Variants in DAPK1 observed in about 807,000 individuals in gnomAD.
DAPK1 encodes death-associated protein kinase 1.
In DAPK1, 56 loss-of-function variants were observed where a neutral mutation model predicts 144.9. The observed-to-expected ratio is 0.39, with a 90% CI of 0.31 to 0.48. The LOEUF (loss-of-function observed/expected upper bound fraction) is 0.48. Ranked by LOEUF, DAPK1 falls within the 20% of genes least tolerant of loss-of-function variation. DAPK1 has a pLI of 0.95. For missense variants in DAPK1, 1,454 were observed against 1,875.4 expected, an observed-to-expected ratio of 0.78 and a Z score of 4.15; for synonymous variants, 690 against 749.0, an observed-to-expected ratio of 0.92 and a Z score of 1.29.
chr9:87,602,962 T>A (rs1394035693), intron 2 of DAPK1, among the ~76,000 whole-genome samples: 1 of 148,280 alleles, frequency 6.7e-6, no homozygotes, highest in Non-Finnish European at 1.5e-5. Context: ...TTTTTAGTTT[T>A]GAATTTTAAA....
At chr9:87,610,175 A>C (rs371882581) in intron 3 of DAPK1, among the ~76,000 whole-genome samples, 281 of 152,298 alleles carry the variant, frequency 1.8e-3, no homozygotes, top group African/African-American at 6.5e-3. Flanking sequence ...TACTTGCTTC[A>C]CTGGAGAATC....
intron 3 of DAPK1, among the ~76,000 whole-genome samples, chr9:87,620,718 G>A (rs1280121522): frequency 6.6e-6 from 1 of 151,938 alleles, no homozygotes; most frequent in African/African-American, 2.4e-5. Flanking sequence ...GCTGGTGGTG[G>A]TCTGTATTTC....
intron 19 of DAPK1, among the ~76,000 whole-genome samples, chr9:87,678,184 A>G (rs1824470671): frequency 6.6e-6 from 1 of 152,214 alleles, no homozygotes; most frequent in South Asian, 2.1e-4. Context: ...CAGCTGCCCC[A>G]GCATTTTACA....
chr9:87,574,721 C>T (rs947597476), intron 2 of DAPK1, among the ~76,000 whole-genome samples: 1 of 152,112 alleles, frequency 6.6e-6, no homozygotes, highest in Non-Finnish European at 1.5e-5. Context: ...GAGTTTGAGA[C>T]CAGCCTGGCC....
intron 2 of DAPK1, among the ~76,000 whole-genome samples, chr9:87,541,124 A>G (rs1826033961): frequency 6.6e-6 from 1 of 152,256 alleles, no homozygotes; most frequent in African/African-American, 2.4e-5. Context: ...TGCAACATTC[A>G]ATAGAACATC....
In DAPK1 at chr9:87,594,761, AGTG is replaced by A. The variant is rs552397428; in HGVS notation, c.63-10189_63-10187del. Among the ~76,000 whole-genome samples, 3 of 152,362 alleles carry A rather than the reference AGTG, an allele frequency of 2.0e-5. No individual in the cohort carries two copies. In the South Asian group the frequency reaches 6.2e-4, roughly 32 times the overall value. On this transcript the variant is annotated intron_variant, in intron 2 of 25. Coordinates refer to ENST00000408954, the MANE Select transcript of DAPK1 (RefSeq NM_004938.4). ...AACTCCAAATCCTTTGCCAGTCTCAAGTGGTGAAGAGGGCTGAATCCATCATAG... is the reference window on the plus strand; with the variant it reads ...AACTCCAAATCCTTTGCCAGTCTCAAGTGAAGAGGGCTGAATCCATCATAG...
intron 3 of DAPK1, among the ~76,000 whole-genome samples, chr9:87,616,190 G>C (rs1428188032): frequency 6.6e-6 from 1 of 152,228 alleles, no homozygotes; most frequent in Non-Finnish European, 1.5e-5. Context: ...GTGGGCAGAA[G>C]ATGTTCTAGT....
chr9:87,663,767 C>A (rs11141935), intron 18 of DAPK1, among the ~76,000 whole-genome samples: 3,589 of 152,084 alleles, frequency 0.024, 78 homozygotes, highest in Non-Finnish European at 0.036. Flanking sequence ...GGCCCTCGGC[C>A]CCCCCACACC....
At chr9:87,606,595 TCCTC>T (rs1267406114) in intron 3 of DAPK1, among the ~76,000 whole-genome samples, 74 of 77,112 alleles carry the variant, frequency 9.6e-4, no homozygotes, top group South Asian at 2.5e-3. Context: ...CTTCCTTCCT[TCCTC>T]CCTCCCTCCC....
At chr9:87,685,460 A>G (rs2117897195) in intron 20 of DAPK1, among the ~76,000 whole-genome samples, 1 of 152,236 alleles carries the variant, frequency 6.6e-6, no homozygotes, top group East Asian at 1.9e-4. Context: ...ATGGTAAACC[A>G]ATGGTACTGC....
rs186318597 is a variant in DAPK1 at position 87,632,070 on chromosome 9, A to G, written c.285-5873A>G. Reference sequence around the variant, plus strand: ...AGGATGAGTATATATGTAAGGATGAAAGTTAATTAGTATATATGTAGAAAT... The same window carrying G: ...AGGATGAGTATATATGTAAGGATGAGAGTTAATTAGTATATATGTAGAAAT... On this transcript the variant is annotated intron_variant, in intron 3 of 25. Transcript: ENST00000408954. 77 of 767,788 alleles carry G rather than the reference A, an allele frequency of 1.0e-4. No individual in the cohort carries two copies. In the African/African-American group the frequency reaches 1.4e-3, roughly 14 times the overall value. 47.6% of individuals were successfully genotyped at this position (767,788 alleles called of 1,614,324 possible).
intron 2 of DAPK1, among the ~76,000 whole-genome samples, chr9:87,564,405 G>C (rs1027916706): frequency 6.6e-6 from 1 of 152,200 alleles, no homozygotes; most frequent in Non-Finnish European, 1.5e-5. Context: ...GAGGGTTTCT[G>C]TCTTAGTCCA....
chr9:87,570,413 G>A (rs1385359764), intron 2 of DAPK1, among the ~76,000 whole-genome samples: 1 of 152,162 alleles, frequency 6.6e-6, no homozygotes, highest in African/African-American at 2.4e-5. Flanking sequence ...AAATGGCTTT[G>A]ATGTAAATCT....
At chr9:87,687,068 A>T (rs1159214384) in intron 21 of DAPK1, 1 of 153,318 alleles carries the variant, frequency 6.5e-6, no homozygotes, top group Non-Finnish European at 1.4e-5. Flanking sequence ...TGTGTATGTA[A>T]TGATCAAGTC....
intron 2 of DAPK1, among the ~76,000 whole-genome samples, chr9:87,554,711 C>T (rs1826636473): frequency 6.6e-6 from 1 of 152,192 alleles, no homozygotes; most frequent in Non-Finnish European, 1.5e-5. Context: ...AACCTGGACC[C>T]AAATGAGCAA....
chr9:87,671,383 T>C (rs1276354800), intron 19 of DAPK1, among the ~76,000 whole-genome samples: 1 of 151,918 alleles, frequency 6.6e-6, no homozygotes, highest in Non-Finnish European at 1.5e-5. Flanking sequence ...ATAAAATATA[T>C]TTTATAGTTT....
At chr9:87,705,350 T>A (rs1361764002) in intron 25 of DAPK1, among the ~76,000 whole-genome samples, 1 of 151,580 alleles carries the variant, frequency 6.6e-6, no homozygotes, top group Non-Finnish European at 1.5e-5. Flanking sequence ...CAAGTGATTC[T>A]GCCTCAGCCT....
chr9:87,590,411 G>C (rs1289383960), intron 2 of DAPK1, among the ~76,000 whole-genome samples: 1 of 145,494 alleles, frequency 6.9e-6, no homozygotes, highest in Non-Finnish European at 1.5e-5. Flanking sequence ...GAAAAAGGAA[G>C]CTAAAAGGGT....
At position 87,635,410 on chromosome 9, in the gene DAPK1, C is replaced by T. The variant is rs573939980; in HGVS notation, c.285-2533C>T. 4.6e-5 allele frequency among the ~76,000 whole-genome samples: 7 copies of T among 152,118 alleles called. 1 individual carries two copies. The South Asian group carries it at 1.5e-3, about 32-fold the overall frequency. On this transcript the variant is annotated intron_variant, in intron 3 of 25. Coordinates refer to ENST00000408954, the MANE Select transcript of DAPK1 (RefSeq NM_004938.4). ...AAGCAGAATGCGAGTGAGGTGGGCT[C>T]GGGAGGCCCTGAAGAGGGCCACGGA...
Sources: gnomAD v4.1 joint callset for allele counts (sites outside exome capture counted in the v4.1 genomes callset) on GRCh38, gnomAD v4.1.1 for gene constraint, MANE v1.5 for transcripts, NCBI Gene and HGNC (gene_info 2026-07-23, HGNC 2026-07-21) for gene names.